CSMD1: variants seen among roughly 807,000 people sequenced by gnomAD.
CSMD1 encodes CUB and sushi domain-containing protein 1.
A neutral mutation model predicts 417.5 loss-of-function variants in CSMD1; 213 were observed. The ratio of observed to expected loss-of-function variants is 0.51; its 90% CI spans 0.46 to 0.57. The LOEUF is 0.57. Ranked by LOEUF, CSMD1 falls within the 20% of genes least tolerant of loss-of-function variation. The probability of loss-of-function intolerance (pLI) is 0.00; values close to 1 mark genes in which losing one functional copy is unlikely to be tolerated. For synonymous variants in CSMD1, 2,862 were observed against 1,736.8 expected (o/e 1.65, Z -16.11); for missense variants, 6,923 against 4,529.7 (o/e 1.53, Z -15.17).
In CSMD1 at chr8:4,027,664, T is replaced by A. The variant is rs187632151; in HGVS notation, c.610+4241A>T. On this transcript the variant is annotated intron_variant, in intron 4 of 69. Coordinates refer to ENST00000635120, the MANE Select transcript of CSMD1 (RefSeq NM_033225.6). Reference sequence around the variant, plus strand: ...CCCAGTCTCAGGTATTTCTTCATAGTAGCATGATAACGGACTAATACAGAT... The same window carrying A: ...CCCAGTCTCAGGTATTTCTTCATAGAAGCATGATAACGGACTAATACAGAT... 9.4e-4 allele frequency among the ~76,000 whole-genome samples: 143 copies of A among 152,286 alleles called. 2 individuals carry two copies. Among genetic ancestry groups the A allele is most frequent in the African/African-American group, 3.2e-3 (133 of 41,562 alleles).
intron 5 of CSMD1, among the ~76,000 whole-genome samples, chr8:3,990,994 C>T (rs1300841663): frequency 1.3e-4 from 20 of 152,150 alleles, no homozygotes; most frequent in Admixed American, 1.3e-3. Context: ...CTTGCAAAAA[C>T]ACACCTGACA....
chr8:4,042,246 TA>T (rs1797928236), intron 3 of CSMD1, among the ~76,000 whole-genome samples: 1 of 152,144 alleles, frequency 6.6e-6, no homozygotes, highest in Non-Finnish European at 1.5e-5. Flanking sequence ...TCAAGGTGCC[TA>T]AATACAGCAA....
intron 22 of CSMD1, among the ~76,000 whole-genome samples, chr8:3,346,448 TAGTA>T (rs1808001425): frequency 6.6e-6 from 1 of 152,240 alleles, no homozygotes; most frequent in Non-Finnish European, 1.5e-5. Flanking sequence ...CTTTTTAGAT[TAGTA>T]AGAATGTGCT....
chr8:3,761,869 A>G (rs1239901148), intron 5 of CSMD1, among the ~76,000 whole-genome samples: 1 of 151,966 alleles, frequency 6.6e-6, no homozygotes, highest in Non-Finnish European at 1.5e-5. Flanking sequence ...TGTCTCTGGC[A>G]AAGGCCTTCT....
chr8:3,590,852 T>A (rs1223018995), intron 8 of CSMD1, among the ~76,000 whole-genome samples: 2 of 152,178 alleles, frequency 1.3e-5, no homozygotes, highest in East Asian at 3.8e-4. Flanking sequence ...TTGCTCTCAT[T>A]TTATCTAACA....
At chr8:4,680,018 G>C (rs1805937479) in intron 1 of CSMD1, among the ~76,000 whole-genome samples, 1 of 152,108 alleles carries the variant, frequency 6.6e-6, no homozygotes, top group South Asian at 2.1e-4. Context: ...TACTCTTCAA[G>C]TACTTTAATC....
intron 3 of CSMD1, among the ~76,000 whole-genome samples, chr8:4,042,921 T>C (rs1197982096): frequency 1.4e-5 from 2 of 145,586 alleles, no homozygotes; most frequent in African/African-American, 5.2e-5. Context: ...AGTTCAGGAG[T>C]TCAAGACCAG....
intron 1 of CSMD1, among the ~76,000 whole-genome samples, chr8:4,651,662 A>G (rs1803903689): frequency 6.6e-6 from 1 of 152,154 alleles, no homozygotes; most frequent in East Asian, 1.9e-4. Flanking sequence ...ATTCTCTTTC[A>G]ATTTCTGCCA....
chr8:3,318,943 C>A (rs963008016), intron 23 of CSMD1, among the ~76,000 whole-genome samples: 2 of 152,120 alleles, frequency 1.3e-5, no homozygotes, highest in Non-Finnish European at 2.9e-5. Flanking sequence ...ATAATAAAAA[C>A]ATACAAACAC....
chr8:4,221,280 G>T (rs1465584721), intron 3 of CSMD1, among the ~76,000 whole-genome samples: 1 of 150,926 alleles, frequency 6.6e-6, no homozygotes, highest in Non-Finnish European at 1.5e-5. Flanking sequence ...AGAATTTTCA[G>T]TTAAACATGG....
chr8:3,332,396 G>A (rs1184864238), intron 23 of CSMD1, among the ~76,000 whole-genome samples: 1 of 152,238 alleles, frequency 6.6e-6, no homozygotes, highest in Admixed American at 6.5e-5. Flanking sequence ...GTCTCTCCAG[G>A]TGGGGCCTGA....
intron 3 of CSMD1, among the ~76,000 whole-genome samples, chr8:4,099,796 G>A (rs945791440): frequency 6.6e-6 from 1 of 152,068 alleles, no homozygotes; most frequent in African/African-American, 2.4e-5. Context: ...ATAGTACTGG[G>A]AAGGCTACTT....
intron 1 of CSMD1, among the ~76,000 whole-genome samples, chr8:4,705,556 A>G (rs17346490): frequency 0.29 from 44,078 of 152,014 alleles, 7,838 homozygotes; most frequent in Non-Finnish European, 0.39. Flanking sequence ...ACTACGGCAT[A>G]TTTCTTTTTT....
intron 3 of CSMD1, among the ~76,000 whole-genome samples, chr8:4,292,314 G>A (rs547923554): frequency 1.8e-4 from 28 of 152,128 alleles, no homozygotes; most frequent in South Asian, 6.2e-4. Flanking sequence ...GTGCAGTGTC[G>A]CGACCTGGGC....
chr8:3,498,066 A>T (rs901851518), intron 10 of CSMD1, among the ~76,000 whole-genome samples: 1 of 152,106 alleles, frequency 6.6e-6, no homozygotes, highest in African/African-American at 2.4e-5. Context: ...TTTGCTGGGT[A>T]TAGTATTCTT....
intron 2 of CSMD1, among the ~76,000 whole-genome samples, chr8:4,447,598 G>T (rs73660843): frequency 1.3e-5 from 2 of 152,216 alleles, no homozygotes; most frequent in Non-Finnish European, 2.9e-5. Context: ...ACGCTTTCAT[G>T]TAATACTTCC....
intron 51 of CSMD1, among the ~76,000 whole-genome samples, chr8:3,020,003 A>T (rs1809225589): frequency 6.6e-6 from 1 of 152,236 alleles, no homozygotes; most frequent in South Asian, 2.1e-4. Flanking sequence ...TGCAGTGGCA[A>T]ACATCGAGTT....
intron 41 of CSMD1, among the ~76,000 whole-genome samples, chr8:3,138,063 T>C (rs1223594933): frequency 6.6e-6 from 1 of 151,632 alleles, no homozygotes; most frequent in African/African-American, 2.4e-5. Flanking sequence ...CTGTCTCTAC[T>C]AAAAATAAAA....
At chr8:4,341,641 G>A (rs527332750) in intron 3 of CSMD1, among the ~76,000 whole-genome samples, 1 of 152,124 alleles carries the variant, frequency 6.6e-6, no homozygotes, top group Non-Finnish European at 1.5e-5. Flanking sequence ...TTTAGGATAT[G>A]CTCTTGTGTT....
Sources: allele counts gnomAD v4.1 joint callset (sites outside exome capture counted in the v4.1 genomes callset), GRCh38; gene constraint gnomAD v4.1.1; transcripts MANE v1.5; gene names NCBI Gene and HGNC (gene_info 2026-07-23, HGNC 2026-07-21).